Variants in CHSY3 observed in about 807,000 individuals in gnomAD.
The protein encoded by CHSY3 is N-acetylgalactosaminyl-proteoglycan 3-beta-glucuronosyltransferase 3.
A neutral mutation model predicts 67.2 loss-of-function variants in CHSY3; 35 were observed. The observed-to-expected ratio is 0.52, with a 90% CI of 0.40 to 0.69. CHSY3 has a LOEUF of 0.69. CHSY3 is among the 30% of genes least tolerant of loss of function. CHSY3 has a pLI of 0.00. For synonymous variants in CHSY3, 474 were observed against 434.7 expected (o/e 1.09, Z -1.12); for missense variants, 1,069 against 1,138.5 (o/e 0.94, Z 0.88).
chr5:129,954,069 A>G (rs1370661007), intron 2 of CHSY3, among the ~76,000 whole-genome samples: 2 of 152,102 alleles, frequency 1.3e-5, no homozygotes, highest in African/African-American at 2.4e-5. Flanking sequence ...CTATGTCCTG[A>G]ATGGTATTGC....
chr5:130,095,266 T>C (rs904016323), intron 2 of CHSY3, among the ~76,000 whole-genome samples: 5 of 152,192 alleles, frequency 3.3e-5, no homozygotes, highest in African/African-American at 9.7e-5. Context: ...TATAGCTTAG[T>C]AGTTTCTAAA....
intron 2 of CHSY3, among the ~76,000 whole-genome samples, chr5:130,146,180 T>G (rs1170885602): frequency 6.6e-6 from 1 of 152,124 alleles, no homozygotes; most frequent in Non-Finnish European, 1.5e-5. Flanking sequence ...TTTATAATAG[T>G]CAAGATGTAG....
intron 2 of CHSY3, among the ~76,000 whole-genome samples, chr5:130,120,608 GT>G (rs1767983205): frequency 2.0e-5 from 3 of 152,114 alleles, no homozygotes; most frequent in South Asian, 2.1e-4. Context: ...CCACTTACTG[GT>G]TGTATGTGTG....
chr5:129,947,746 T>C lies in CHSY3; in HGVS notation c.1086+39386T>C, dbSNP rs561665490. ...TTTACATTCTTTCTATCAGTATAAATGTTCCTTTTTCTTCATGTCTTTACC... is the reference window on the plus strand; with the variant it reads ...TTTACATTCTTTCTATCAGTATAAACGTTCCTTTTTCTTCATGTCTTTACC... On this transcript the variant is annotated intron_variant, in intron 2 of 2. Coordinates refer to ENST00000305031, the MANE Select transcript of CHSY3 (RefSeq NM_175856.5). 2.6e-5 allele frequency among the ~76,000 whole-genome samples: 4 copies of C among 152,306 alleles called. No individual in the cohort carries two copies. The South Asian group carries it at 8.3e-4, about 32-fold the overall frequency.
At chr5:130,015,712 C>G (rs79133056) in intron 2 of CHSY3, among the ~76,000 whole-genome samples, 1 of 152,154 alleles carries the variant, frequency 6.6e-6, no homozygotes, top group African/African-American at 2.4e-5. Flanking sequence ...TATGATTCAA[C>G]CCATCAATCC....
At chr5:130,026,891 C>T (rs1377724662) in intron 2 of CHSY3, among the ~76,000 whole-genome samples, 1 of 151,958 alleles carries the variant, frequency 6.6e-6, no homozygotes, top group Non-Finnish European at 1.5e-5. Context: ...TATTATTTTT[C>T]CCAACGGCCA....
At chr5:130,167,438 AT>A (rs1322643160) in intron 2 of CHSY3, among the ~76,000 whole-genome samples, 1 of 152,138 alleles carries the variant, frequency 6.6e-6, no homozygotes, top group South Asian at 2.1e-4. Context: ...AAGCTGGAAG[AT>A]TTACATCTCA....
intron 2 of CHSY3, among the ~76,000 whole-genome samples, chr5:130,075,101 A>G (rs73785869): frequency 5.0e-4 from 76 of 152,114 alleles, no homozygotes; most frequent in African/African-American, 1.8e-3. Context: ...AACCACTATT[A>G]CTTTTTTTCC....
At chr5:130,049,848 C>T (rs962819920) in intron 2 of CHSY3, among the ~76,000 whole-genome samples, 9 of 151,040 alleles carry the variant, frequency 6.0e-5, no homozygotes, top group Non-Finnish European at 1.0e-4. Flanking sequence ...AAATGAGGCT[C>T]TTCTGCTTCA....
intron 2 of CHSY3, among the ~76,000 whole-genome samples, chr5:129,949,748 A>G (rs1334968847): frequency 1.3e-5 from 2 of 152,222 alleles, no homozygotes; most frequent in Non-Finnish European, 2.9e-5. Flanking sequence ...ATAGCACTTT[A>G]CAAACATCAT....
At position 130,130,247 on chromosome 5, in the gene CHSY3, T is replaced by G. The variant is rs138533753; in HGVS notation, c.1087-53982T>G. Among the ~76,000 whole-genome samples the G allele has an allele frequency of 9.8e-3, 1,491 of 152,264 alleles. 29 individuals carry two copies. Among genetic ancestry groups the G allele is most frequent in the African/African-American group, 0.034 (1,418 of 41,560 alleles). On this transcript the variant is annotated intron_variant, in intron 2 of 2. Coordinates refer to ENST00000305031, the MANE Select transcript of CHSY3 (RefSeq NM_175856.5). ...CCTATTTTTCTTCCCTGACATCAGA[T>G]GTACACACAATTAAGGCAAGATTTT...
intron 2 of CHSY3, among the ~76,000 whole-genome samples, chr5:130,004,128 TA>T (rs1176639210): frequency 6.6e-6 from 1 of 152,238 alleles, no homozygotes; most frequent in Non-Finnish European, 1.5e-5. Flanking sequence ...ATTCACATTT[TA>T]ATTCTTAAAA....
At chr5:130,005,655 G>A (rs960314006) in intron 2 of CHSY3, among the ~76,000 whole-genome samples, 7 of 152,062 alleles carry the variant, frequency 4.6e-5, no homozygotes, top group Non-Finnish European at 8.8e-5. Context: ...CCAGTAGGAT[G>A]TCAAATTAAA....
At chr5:130,105,532 T>C (rs927366241) in intron 2 of CHSY3, among the ~76,000 whole-genome samples, 9 of 151,832 alleles carry the variant, frequency 5.9e-5, no homozygotes, top group African/African-American at 1.7e-4. Flanking sequence ...GCATGGAATT[T>C]AGCATAACTT....
At chr5:129,961,362 A>T (rs747518314) in intron 2 of CHSY3, among the ~76,000 whole-genome samples, 13 of 152,084 alleles carry the variant, frequency 8.5e-5, no homozygotes, top group Non-Finnish European at 1.8e-4. Flanking sequence ...ATAGCAATAT[A>T]CAGAGAATTA....
chr5:130,042,848 C>A (rs1765042614), intron 2 of CHSY3, among the ~76,000 whole-genome samples: 1 of 152,034 alleles, frequency 6.6e-6, no homozygotes, highest in Admixed American at 6.6e-5. Flanking sequence ...TATTACCTAA[C>A]CCTCATTAGT....
At chr5:130,174,849 T>C (rs529513826) in intron 2 of CHSY3, among the ~76,000 whole-genome samples, 1 of 152,320 alleles carries the variant, frequency 6.6e-6, no homozygotes, top group South Asian at 2.1e-4. Context: ...CACATGTTTA[T>C]TAAGTTTTAG....
At position 130,184,736 on chromosome 5, in the gene CHSY3, A is replaced by C. The variant is rs751707426; in HGVS notation, c.1594A>C (p.Met532Leu). 2 of 1,595,840 alleles carry C rather than the reference A, an allele frequency of 1.3e-6. No homozygotes were observed. Among genetic ancestry groups the C allele is most frequent in the Non-Finnish European group, 8.6e-7 (1 of 1,163,256 alleles). ...IQYGYRRVNP[M>L]HGVEYILDLL... ...GTATGGCTACCGCAGAGTTAACCCC[A>C]TGCACGGGGTGGAGTACATTTTGGA... is the stretch of plus-strand genomic sequence containing the variant. The change falls in exon 3 of 3, where the codon ATG becomes CTG. Residue 532 changes from methionine to leucine, a missense_variant. Transcript: ENST00000305031.
Position 130,089,278 on chromosome 5 carries a change from C to T in CHSY3, c.1087-94951C>T, listed in dbSNP as rs942494496. 1.6e-4 allele frequency among the ~76,000 whole-genome samples: 24 copies of T among 149,426 alleles called. 1 individual carries two copies. Among genetic ancestry groups the T allele is most frequent in the Admixed American group, 1.3e-3 (20 of 15,036 alleles). On this transcript the variant is annotated intron_variant, in intron 2 of 2. Coordinates refer to ENST00000305031, the MANE Select transcript of CHSY3 (RefSeq NM_175856.5). ...AGGAGATATACCTAATGCTAAATGACGAGTTAATGGGTGCAGCACACCAGC... is the reference window on the plus strand; with the variant it reads ...AGGAGATATACCTAATGCTAAATGATGAGTTAATGGGTGCAGCACACCAGC...
Sources: allele counts gnomAD v4.1 joint callset (sites outside exome capture counted in the v4.1 genomes callset), GRCh38; gene constraint gnomAD v4.1.1; transcripts MANE v1.5; gene names NCBI Gene and HGNC (gene_info 2026-07-23, HGNC 2026-07-21).